Variants in WDR97 observed in about 807,000 individuals in gnomAD.
WDR97 encodes WD repeat-containing protein 97.
WDR97 carries 111 observed loss-of-function variants against 65.4 expected under a neutral mutation model. The observed-to-expected ratio is 1.70, with a 90% CI of 1.45 to 1.99. WDR97 has a LOEUF of 1.99. Among genes scored for constraint, WDR97 ranks in the 30% most tolerant of loss-of-function variants. WDR97 has a pLI of 0.00. For synonymous variants in WDR97, 802 were observed against 397.7 expected (o/e 2.02, Z -12.10); for missense variants, 1,674 against 865.0 (o/e 1.94, Z -11.73).
chr8:144,112,516 G>T lies in WDR97; in HGVS notation c.3091G>T (p.Val1031Leu), dbSNP rs769046549. The change falls in exon 15 of 24, where the codon GTG becomes TTG. Residue 1031 changes from valine (V) to leucine (L), a missense_variant. Coordinates refer to ENST00000323662, the MANE Select transcript of WDR97 (RefSeq NM_001316309.2). Reference protein sequence around the residue: ...SSLRGFFPATVQPHKHCLRPI... With the variant: ...SSLRGFFPATLQPHKHCLRPI... The stretch of plus-strand genomic sequence containing the variant: ...CCTCAGGGGCTTCTTTCCTGCCACC[G>T]TGCAGCCCCACAAGGTGAGACCCCC... 4.3e-6 allele frequency: 3 copies of T among 702,546 alleles called. No homozygotes were observed. Among genetic ancestry groups the T allele is most frequent in the Middle Eastern group, 2.3e-4 (1 of 4,368 alleles). The allele number at this position is 702,546 out of a possible 1,614,324, so 43.5% of individuals were successfully genotyped here. A position where few individuals can be genotyped will look rare whatever the true frequency, so the allele number is the denominator to read the frequency against.
In WDR97 at chr8:144,116,287, C is replaced by A. The variant is rs1489451856; in HGVS notation, c.4863C>A (p.Tyr1621Ter). ...FLPADADPDT[Y>*]S ...CAGCGGACGCGGACCCTGACACCTA[C>A]AGCTGACCGGACTGGTGGCCTCAGC... is the stretch of plus-strand genomic sequence containing the variant. The change falls in exon 24 of 24, where the codon TAC becomes TAA. Residue 1621 changes from tyrosine to a stop codon, truncating the protein, a stop_gained. Coordinates refer to ENST00000323662, the MANE Select transcript of WDR97 (RefSeq NM_001316309.2). LOFTEE classifies it high-confidence loss of function. 3.2e-6 allele frequency: 2 copies of A among 629,344 alleles called. No individual in the cohort carries two copies. Among genetic ancestry groups the A allele is most frequent in the African/African-American group, 1.8e-5 (1 of 54,166 alleles). 39.0% of individuals were successfully genotyped at this position (629,344 alleles called of 1,614,324 possible).
In WDR97 at chr8:144,113,394, C is replaced by T. The variant is rs918044924; in HGVS notation, c.3106-46C>T. The T allele has an allele frequency of 5.4e-6, 3 of 555,168 alleles. No individual in the cohort carries two copies. In the Admixed American group the frequency reaches 8.6e-5, roughly 16 times the overall value. 34.4% of individuals were successfully genotyped at this position (555,168 alleles called of 1,614,324 possible). A position where few individuals can be genotyped will look rare whatever the true frequency, so the allele number is the denominator to read the frequency against. Reference sequence around the variant, plus strand: ...CAGGTGACCAAGGGTGGTGTCCAGGCTGGGGAATCCAGGTCCTCAGCATTC... The same window carrying T: ...CAGGTGACCAAGGGTGGTGTCCAGGTTGGGGAATCCAGGTCCTCAGCATTC... On this transcript the variant is annotated intron_variant, in intron 15 of 23. Coordinates refer to ENST00000323662, the MANE Select transcript of WDR97 (RefSeq NM_001316309.2).
chr8:144,109,125 TG>T lies in WDR97; in HGVS notation c.958del (p.Glu320ArgfsTer17). The T allele has an allele frequency of 1.4e-6, 1 of 702,948 alleles. No individual in the cohort carries two copies. Among genetic ancestry groups the T allele is most frequent in the South Asian group, 1.5e-5 (1 of 67,602 alleles). 43.5% of individuals were successfully genotyped at this position (702,948 alleles called of 1,614,324 possible). A position where few individuals can be genotyped will look rare whatever the true frequency, so the allele number is the denominator to read the frequency against. On this transcript the variant is annotated frameshift_variant, in exon 4 of 24. Transcript: ENST00000323662. LOFTEE classifies it high-confidence loss of function. ...TTCCCGGGACAGCACCGTGAAGGTGTGGGAGGCTGACTGGCAGATCCGGATG... is the reference window on the plus strand; with the variant it reads ...TTCCCGGGACAGCACCGTGAAGGTGTGGAGGCTGACTGGCAGATCCGGATG... ...TASRDSTVKV[W>X]EADWQIRMVF... is the part of the protein sequence containing the mutation.
At position 144,113,988 on chromosome 8, in the gene WDR97, C is replaced by G. The variant is rs1232404995; in HGVS notation, c.3420C>G (p.Asp1140Glu). The change falls in exon 18 of 24, where the codon GAC becomes GAG. Residue 1140 changes from aspartate to glutamate, a missense_variant. Coordinates refer to ENST00000323662, the MANE Select transcript of WDR97 (RefSeq NM_001316309.2). ...TGCTGCTCCCCTAGAGTGCTGTGGACTGGACCCAGGAGCCCCGGCGGCGCA... is the reference window on the plus strand; with the variant it reads ...TGCTGCTCCCCTAGAGTGCTGTGGAGTGGACCCAGGAGCCCCGGCGGCGCA... ...SWELEDQSAV[D>E]WTQEPRRRSC... The G allele has an allele frequency of 1.4e-6, 1 of 702,634 alleles. No individual in the cohort carries two copies. The highest frequency in any genetic ancestry group is 1.5e-5 in the South Asian group (1 of 67,556). The allele number at this position is 702,634 out of a possible 1,614,324, so 43.5% of individuals were successfully genotyped here. A position where few individuals can be genotyped will look rare whatever the true frequency, so the allele number is the denominator to read the frequency against.
At chr8:144,111,401 C>T in intron 10 of WDR97, 25 bp from the exon 11 acceptor site, 4 of 702,868 alleles carry the variant, frequency 5.7e-6, no homozygotes, top group Non-Finnish European at 1.0e-5. Context: ...CCCAGCATCC[C>T]ACCTGTGCCT....
chr8:144,108,374 G>A lies in WDR97; in HGVS notation c.308G>A (p.Arg103His), dbSNP rs976442853. The A allele has an allele frequency of 1.6e-5, 11 of 697,412 alleles. No homozygotes were observed. Among genetic ancestry groups the A allele is most frequent in the Non-Finnish European group, 2.9e-5 (11 of 383,100 alleles). The allele number at this position is 697,412 out of a possible 1,614,324, so 43.2% of individuals were successfully genotyped here. ...RLTHGLEPLR[R>H]LEVAAGLRSV... ...ACGCATGGGCTGGAACCACTGCGCC[G>A]CCTGGAGGTGGCAGCCGGGCTGCGC... Residue 103 changes from arginine to histidine, a missense_variant, in exon 3 of 24, where the codon CGC becomes CAC. Coordinates refer to ENST00000323662, the MANE Select transcript of WDR97 (RefSeq NM_001316309.2).
At position 144,113,872 on chromosome 8, in the gene WDR97, G is replaced by A. The variant is rs958215349; in HGVS notation, c.3399G>A (p.Leu1133=). 2.9e-6 allele frequency: 2 copies of A among 693,812 alleles called. No individual in the cohort carries two copies. The highest frequency in any genetic ancestry group is 1.5e-5 in the South Asian group (1 of 66,330). 43.0% of individuals were successfully genotyped at this position (693,812 alleles called of 1,614,324 possible). The change falls in exon 17 of 24, where the codon CTG becomes CTA. Residue 1133 remains leucine (L), a synonymous_variant. Transcript: ENST00000323662. Reference sequence around the variant, plus strand: ...ACCAGCAGCTGGATTCCTGGGAACTGGAGGATCAGGTAGAGGCTCAGGCAG... The same window carrying A: ...ACCAGCAGCTGGATTCCTGGGAACTAGAGGATCAGGTAGAGGCTCAGGCAG... The part of the protein sequence containing the change: ...HSNQQLDSWE[L]EDQSAVDWTQ...
Position 144,116,179 on chromosome 8 carries a change from G to A in WDR97, c.4755G>A (p.Gln1585=). Residue 1585 remains glutamine, a synonymous_variant, in exon 24 of 24, where the codon CAG becomes CAA. Coordinates refer to ENST00000323662, the MANE Select transcript of WDR97 (RefSeq NM_001316309.2). Reference sequence around the variant, plus strand: ...TGCCGTTGCCGCGTGTGGAGCCGCAGCCTTTCCCCCTGGACTGGCCTATGC... The same window carrying A: ...TGCCGTTGCCGCGTGTGGAGCCGCAACCTTTCCCCCTGGACTGGCCTATGC... ...LKLPLPRVEP[Q]PFPLDWPMPP... 1 of 700,474 alleles carries A rather than the reference G, an allele frequency of 1.4e-6. No homozygotes were observed. Among genetic ancestry groups the A allele is most frequent in the Non-Finnish European group, 2.6e-6 (1 of 383,736 alleles). 43.4% of individuals were successfully genotyped at this position (700,474 alleles called of 1,614,324 possible).
Position 144,114,465 on chromosome 8 carries a change from C to G in WDR97, c.3782C>G (p.Pro1261Arg), listed in dbSNP as rs1222143970. 2 of 702,546 alleles carry G rather than the reference C, an allele frequency of 2.8e-6. No homozygotes were observed. The highest frequency in any genetic ancestry group is 5.2e-6 in the Non-Finnish European group (2 of 384,818). The allele number at this position is 702,546 out of a possible 1,614,324, so 43.5% of individuals were successfully genotyped here. A position where few individuals can be genotyped will look rare whatever the true frequency, so the allele number is the denominator to read the frequency against. ...LVHLLNLDQP[P>R]SLQDQTQKKF... ...CACTTGCTCAACCTGGACCAGCCCC[C>G]CAGCCTCCAGGTGTGCCCCTTGTCC... The change falls in exon 19 of 24, where the codon CCC becomes CGC. Residue 1261 changes from proline to arginine, a missense_variant. By Grantham distance (103) the Pro-to-Arg change is moderately radical. Transcript: ENST00000323662.
intron 1 of WDR97, 47 bp from the exon 2 acceptor site, chr8:144,108,012 G>T (rs996736104): frequency 1.4e-6 from 1 of 702,528 alleles, no homozygotes; most frequent in Admixed American, 2.0e-5. Context: ...CGTCAGGGTC[G>T]AGGACCTGAG....
rs768995197 is a variant in WDR97, at chr8:144,112,223, G to T, written c.2896-1G>T. On this transcript the variant is annotated splice_acceptor_variant, in intron 13 of 23. Coordinates refer to ENST00000323662, the MANE Select transcript of WDR97 (RefSeq NM_001316309.2). LOFTEE classifies it high-confidence loss of function. ...ACCCTGTGACTCCTCCTATGCCCCA[G>T]CTTCTGGCCCGCTCCTCACTGAGCC... 1.1e-4 allele frequency: 80 copies of T among 702,422 alleles called. No individual in the cohort carries two copies. Among genetic ancestry groups the T allele is most frequent in the Non-Finnish European group, 3.9e-5 (15 of 384,896 alleles). The allele number at this position is 702,422 out of a possible 1,614,324, so 43.5% of individuals were successfully genotyped here. A position where few individuals can be genotyped will look rare whatever the true frequency, so the allele number is the denominator to read the frequency against.
chr8:144,116,475 G>A lies in WDR97; in HGVS notation c.*182G>A, dbSNP rs1836670271. The A allele has an allele frequency of 4.0e-6, 2 of 500,380 alleles. No homozygotes were observed. Among genetic ancestry groups the A allele is most frequent in the Admixed American group, 7.4e-5 (2 of 26,970 alleles). 31.0% of individuals were successfully genotyped at this position (500,380 alleles called of 1,614,324 possible). A position where few individuals can be genotyped will look rare whatever the true frequency, so the allele number is the denominator to read the frequency against. On this transcript the variant is annotated 3_prime_UTR_variant, in exon 24 of 24. Coordinates refer to ENST00000323662, the MANE Select transcript of WDR97 (RefSeq NM_001316309.2). ...AACCCACAGTGGCGGCGGAAGGCAG[G>A]AGCCGGAGGCCTGGCGGAGGTGGCC...
At position 144,115,864 on chromosome 8, in the gene WDR97, CGGGGCCTGCGCCGGCGGGGCCTGCGT is replaced by C; in HGVS notation, c.4595+12_4595+37del. On this transcript the variant is annotated splice_region_variant and intron_variant, in intron 22 of 23. Transcript: ENST00000323662. The stretch of plus-strand genomic sequence containing the variant: ...CCACCTCCGCGGGAGCACTGGTGCG[CGGGGCCTGCGCCGGCGGGGCCTGCGT>C]GGGGCAGCCAAGCGTGGGGCTGGGC... 1 of 693,756 alleles carries C rather than the reference CGGGGCCTGCGCCGGCGGGGCCTGCGT, an allele frequency of 1.4e-6. No individual in the cohort carries two copies. The highest frequency in any genetic ancestry group is 1.5e-5 in the South Asian group (1 of 66,822). The allele number at this position is 693,756 out of a possible 1,614,324, so 43.0% of individuals were successfully genotyped here.
rs374484373 is a variant in WDR97, at chr8:144,111,154, G to T, written c.2358G>T (p.Met786Ile). The change falls in exon 10 of 24, where the codon ATG (methionine) becomes ATT (isoleucine). Residue 786 changes from methionine (M) to isoleucine (I), a missense_variant. Coordinates refer to ENST00000323662, the MANE Select transcript of WDR97 (RefSeq NM_001316309.2). ...DVVDDPPLPL[M>I]SQESLTSAQL... is the part of the protein sequence containing the mutation. ...TGGACGACCCTCCGCTGCCACTGATGAGCCAGGAGTCACTGACTTCCGCCC... is the reference window on the plus strand; with the variant it reads ...TGGACGACCCTCCGCTGCCACTGATTAGCCAGGAGTCACTGACTTCCGCCC... 102 of 702,806 alleles carry T rather than the reference G, an allele frequency of 1.5e-4. No individual in the cohort carries two copies. In the East Asian group the frequency reaches 2.5e-3, roughly 17 times the overall value. The allele number at this position is 702,806 out of a possible 1,614,324, so 43.5% of individuals were successfully genotyped here.
In WDR97 at chr8:144,114,660, C is replaced by T; in HGVS notation, c.3899C>T (p.Ser1300Phe). 1.4e-6 allele frequency: 1 copy of T among 702,840 alleles called. No homozygotes were observed. The highest frequency in any genetic ancestry group is 2.7e-5 in the East Asian group (1 of 37,298). The allele number at this position is 702,840 out of a possible 1,614,324, so 43.5% of individuals were successfully genotyped here. A position where few individuals can be genotyped will look rare whatever the true frequency, so the allele number is the denominator to read the frequency against. Residue 1300 changes from serine (S) to phenylalanine (F), a missense_variant, in exon 20 of 24, where the codon TCT (serine) becomes TTT (phenylalanine). Ser to Phe is a radical substitution (Grantham distance 155). Transcript: ENST00000323662. Reference sequence around the variant, plus strand: ...GAGCTCATGTCCTACTTCCTCTACTCTCCCGTGCACTGCCGGTGAGTTGCG... The same window carrying T: ...GAGCTCATGTCCTACTTCCTCTACTTTCCCGTGCACTGCCGGTGAGTTGCG... ...VLELMSYFLY[S>F]PVHCRPELKK... is the part of the protein sequence containing the mutation.
intron 21 of WDR97, 130 bp from the exon 22 acceptor site, chr8:144,115,211 G>A (rs1020155364): frequency 5.3e-6 from 3 of 564,952 alleles, no homozygotes; most frequent in Admixed American, 3.5e-5. Flanking sequence ...GTGGATGCTC[G>A]AGGAGCCAGG....
chr8:144,113,760 AGGG>A lies in WDR97; in HGVS notation c.3290_3292del (p.Gly1097del). On this transcript the variant is annotated inframe_deletion, in exon 17 of 24. Transcript: ENST00000323662. ...TGGATGGGGGAGAAGCCTGGGGAGG[AGGG>A]GGAGGAAGACAAGAAGGAAGAGGAG... The A allele has an allele frequency of 1.4e-6, 1 of 702,008 alleles. No individual in the cohort carries two copies. Among genetic ancestry groups the A allele is most frequent in the Non-Finnish European group, 2.6e-6 (1 of 384,472 alleles). 43.5% of individuals were successfully genotyped at this position (702,008 alleles called of 1,614,324 possible). A position where few individuals can be genotyped will look rare whatever the true frequency, so the allele number is the denominator to read the frequency against.
At chr8:144,111,281 G>GCCTGGCGGTGTGGGGC in intron 10 of WDR97, 59 bp downstream of exon 10, 1 of 702,706 alleles carries the variant, frequency 1.4e-6, no homozygotes, top group African/African-American at 1.7e-5. Flanking sequence ...CTGGGTGGGG[G>GCCTGGCGGTGTGGGGC]CCTGGCGGTG....
intron 1 of WDR97, 36 bp from the exon 2 acceptor site, chr8:144,108,023 G>C: frequency 1.4e-6 from 1 of 702,634 alleles, no homozygotes; most frequent in Non-Finnish European, 2.6e-6. Context: ...AGGACCTGAG[G>C]CTGTAGGTGG....
Sources: gnomAD v4.1 joint callset for allele counts on GRCh38, gnomAD v4.1.1 for gene constraint, MANE v1.5 for transcripts, NCBI Gene and HGNC (gene_info 2026-07-23, HGNC 2026-07-21) for gene names.